SARDH: variants seen among roughly 807,000 people sequenced by gnomAD.
The protein encoded by SARDH is sarcosine dehydrogenase, also known as sarcosine dehydrogenase, mitochondrial.
SARDH carries 95 observed loss-of-function variants against 109.1 expected under a neutral mutation model. That is an observed-to-expected ratio of 0.87 (90% CI 0.74 to 1.03). SARDH has a LOEUF of 1.03. SARDH is among the 50% of genes least tolerant of loss of function. The pLI, the probability that SARDH is intolerant of heterozygous loss-of-function variation, is 0.00. For missense variants in SARDH, 1,267 were observed against 1,287.8 expected, an observed-to-expected ratio of 0.98 and a Z score of 0.25; for synonymous variants, 572 against 534.8, an observed-to-expected ratio of 1.07 and a Z score of -0.96.
intron 6 of SARDH, among the ~76,000 whole-genome samples, chr9:133,722,978 A>G (rs1243438680): frequency 1.3e-5 from 2 of 152,180 alleles, no homozygotes; most frequent in African/African-American, 4.8e-5. Context: ...ATATATTTCT[A>G]TACTCTAGCA....
intron 14 of SARDH, among the ~76,000 whole-genome samples, chr9:133,695,565 G>A (rs1312639169): frequency 1.3e-5 from 2 of 152,214 alleles, no homozygotes; most frequent in Non-Finnish European, 2.9e-5. Context: ...GCAGCTGGAA[G>A]AGCAAGGAAG....
rs542534107 is a variant in SARDH, at chr9:133,732,750, T to C, written c.332-149A>G. ...GCAGGACCTGGGGGGCCTGGAGAGGTTGTTGAGCAGAAAATAACTGGACCA... is the reference window on the plus strand; with the variant it reads ...GCAGGACCTGGGGGGCCTGGAGAGGCTGTTGAGCAGAAAATAACTGGACCA... On this transcript the variant is annotated intron_variant, in intron 2 of 20. Coordinates refer to ENST00000439388, the MANE Select transcript of SARDH (RefSeq NM_001134707.2). 76 of 876,066 alleles carry C rather than the reference T, an allele frequency of 8.7e-5. 3 individuals carry two copies. The highest frequency in any genetic ancestry group is 6.9e-4 in the Admixed American group (23 of 33,416). 54.3% of individuals were successfully genotyped at this position (876,066 alleles called of 1,614,324 possible). A position where few individuals can be genotyped will look rare whatever the true frequency, so the allele number is the denominator to read the frequency against.
chr9:133,706,231 A>G (rs2131426884), intron 11 of SARDH, among the ~76,000 whole-genome samples: 1 of 145,636 alleles, frequency 6.9e-6, no homozygotes, highest in South Asian at 2.1e-4. Context: ...TGATGAGTGG[A>G]TCAACAAAGC....
At chr9:133,725,518 A>C (rs1471003398) in intron 6 of SARDH, 1 of 397,054 alleles carries the variant, frequency 2.5e-6, no homozygotes, top group Admixed American at 2.8e-5. Context: ...ACTAAAATAC[A>C]AAAAAAAATC....
chr9:133,724,872 C>T (rs1006732885), intron 6 of SARDH, among the ~76,000 whole-genome samples: 17 of 152,092 alleles, frequency 1.1e-4, no homozygotes, highest in African/African-American at 2.9e-4. Flanking sequence ...TTTGGATTTT[C>T]GGATTTGGGG....
At chr9:133,660,488 T>C (rs1356289598), downstream of SARDH, among the ~76,000 whole-genome samples, 1 of 152,118 alleles carries the variant, frequency 6.6e-6, no homozygotes, top group African/African-American at 2.4e-5. Context: ...GGGAAGTGCT[T>C]TGTTACCTGA....
rs1483609759 is a variant in SARDH at position 133,713,785 on chromosome 9, G to A, written c.1151-661C>T. On this transcript the variant is annotated intron_variant, in intron 8 of 20. Coordinates refer to ENST00000439388, the MANE Select transcript of SARDH (RefSeq NM_001134707.2). Reference sequence around the variant, plus strand: ...CCTTCCTAGCTGTGTGGCATTGGGCGAGTCACTTCGCCTCTCTGAGCAAGG... The same window carrying A: ...CCTTCCTAGCTGTGTGGCATTGGGCAAGTCACTTCGCCTCTCTGAGCAAGG... Among the ~76,000 whole-genome samples the A allele has an allele frequency of 2.6e-5, 4 of 152,330 alleles. No individual in the cohort carries two copies. The South Asian group carries it at 6.2e-4, about 24-fold the overall frequency.
intron 19 of SARDH, 180 bp from the exon 20 acceptor site, chr9:133,667,050 C>T: frequency 1.4e-6 from 1 of 722,902 alleles, no homozygotes; most frequent in Non-Finnish European, 2.3e-6. Context: ...CTGGCCTGGA[C>T]AGCAGGGCTC....
chr9:133,738,388 CATGTCTCCGCCCAG>C (rs1832954644), upstream of SARDH: 1 of 152,164 alleles, frequency 6.6e-6, no homozygotes, highest in South Asian at 2.1e-4. Flanking sequence ...CTGCCAGCCC[CATGTCTCCGCCCAG>C]GATCTGGGCG....
chr9:133,729,033 G>A (rs1832583564), intron 6 of SARDH, among the ~76,000 whole-genome samples: 1 of 149,784 alleles, frequency 6.7e-6, no homozygotes, highest in African/African-American at 2.5e-5. Flanking sequence ...AGTGGAGGGA[G>A]GAATGGATGA....
chr9:133,719,060 A>T lies in SARDH; in HGVS notation c.916-18T>A, dbSNP rs1336759489. 6.2e-7 allele frequency: 1 copy of T among 1,607,140 alleles called. No homozygotes were observed. The highest frequency in any genetic ancestry group is 8.5e-7 in the Non-Finnish European group (1 of 1,173,982). On this transcript the variant is annotated intron_variant, in intron 6 of 20. Transcript: ENST00000439388. ...GGCATGTTCTGGAAGGCAGAGAGAG[A>T]GGCCTTGGCATCATCCAGAACTGGG... is the stretch of plus-strand genomic sequence containing the variant.
At chr9:133,700,880 T>G (rs1831460066) in intron 13 of SARDH, among the ~76,000 whole-genome samples, 2 of 152,182 alleles carry the variant, frequency 1.3e-5, no homozygotes. Flanking sequence ...TGCCCCCCAC[T>G]GCTGAGCAGA....
At chr9:133,732,113 G>T (rs1832705518) in intron 3 of SARDH, among the ~76,000 whole-genome samples, 1 of 152,170 alleles carries the variant, frequency 6.6e-6, no homozygotes, top group Non-Finnish European at 1.5e-5. Flanking sequence ...CAGCGCAAGG[G>T]CTGGAACCCA....
At position 133,712,984 on chromosome 9, in the gene SARDH, G is replaced by A. The variant is rs1299564862; in HGVS notation, c.1237+54C>T. ...CTGCGCCCGCCTCCCCCAGAGCTCT[G>A]GGAATGACAGGACCTCCCTCTTGGG... On this transcript the variant is annotated intron_variant, in intron 9 of 20. Transcript: ENST00000439388. The surrounding 1 kb of genome is among the most constrained non-coding windows in gnomAD (Gnocchi z 4.1). 5.2e-6 allele frequency: 8 copies of A among 1,533,492 alleles called. No homozygotes were observed. The highest frequency in any genetic ancestry group is 7.1e-6 in the Non-Finnish European group (8 of 1,125,268). The allele number at this position is 1,533,492 out of a possible 1,614,324, so 95.0% of individuals were successfully genotyped here. A position where few individuals can be genotyped will look rare whatever the true frequency, so the allele number is the denominator to read the frequency against.
chr9:133,708,692 G>C (rs1054403769), intron 10 of SARDH, among the ~76,000 whole-genome samples: 1 of 152,068 alleles, frequency 6.6e-6, no homozygotes, highest in Non-Finnish European at 1.5e-5. Context: ...CCCCCACAGG[G>C]ACATGGGACT....
At chr9:133,669,908 G>C (rs941313723) in intron 19 of SARDH, among the ~76,000 whole-genome samples, 10 of 152,360 alleles carry the variant, frequency 6.6e-5, no homozygotes, top group Middle Eastern at 3.4e-3. Flanking sequence ...GCCACAGAGG[G>C]GTGGCCTGGG....
chr9:133,721,438 T>C (rs560084226), intron 6 of SARDH, among the ~76,000 whole-genome samples: 1 of 152,346 alleles, frequency 6.6e-6, no homozygotes, highest in Non-Finnish European at 1.5e-5. Flanking sequence ...ACTTCTCTCG[T>C]ACTCCTTTGC....
intron 1 of SARDH, among the ~76,000 whole-genome samples, 177 bp from the exon 2 acceptor site, chr9:133,734,380 C>CTCAT (rs774065078): frequency 6.7e-6 from 1 of 149,514 alleles, no homozygotes; most frequent in Admixed American, 6.6e-5. Context: ...CATTCATTCA[C>CTCAT]TCATTCATTC....
downstream of SARDH, among the ~76,000 whole-genome samples, chr9:133,662,560 C>T (rs906626458): frequency 6.6e-6 from 1 of 152,234 alleles, no homozygotes; most frequent in African/African-American, 2.4e-5. The surrounding 1 kb of genome is among the most constrained non-coding windows in gnomAD (Gnocchi z 5.1). Flanking sequence ...GCAGCCCCCT[C>T]CCCAGACTCA....
Sources: allele counts gnomAD v4.1 joint callset (sites outside exome capture counted in the v4.1 genomes callset), GRCh38; gene constraint gnomAD v4.1.1; non-coding constraint Gnocchi (gnomAD v3.1); transcripts MANE v1.5; gene names NCBI Gene and HGNC (gene_info 2026-07-23, HGNC 2026-07-21).